The following RSPRY1 variants were observed in gnomAD, a reference collection of about 807,000 sequenced individuals.
The protein encoded by RSPRY1 is RING finger and SPRY domain-containing protein 1.
A neutral mutation model predicts 73.1 loss-of-function variants in RSPRY1; 23 were observed. The ratio of observed to expected loss-of-function variants is 0.31; its 90% CI spans 0.23 to 0.45. The LOEUF is 0.45. RSPRY1 is among the 20% of genes least tolerant of loss of function. The pLI is 1.00. For missense variants in RSPRY1, 448 were observed against 698.7 expected (o/e 0.64, Z 4.05); for synonymous variants, 226 against 251.4 (o/e 0.90, Z 0.95).
chr16:57,231,168 T>G lies in RSPRY1; in HGVS notation c.1378T>G (p.Ser460Ala), dbSNP rs2075213828. The part of the protein sequence containing the change: ...PEKQVFSSTV[S>A]GFFAAASFMS... ...CCTCTGTACTCATTTTATTTGTAGA[T>G]CTGGATTTTTTGCTGCAGCTAGTTT... is the stretch of plus-strand genomic sequence containing the variant. Residue 460 changes from serine (S) to alanine (A), a missense_variant and splice_region_variant, in exon 13 of 15, where the codon TCT (serine) becomes GCT (alanine). Coordinates refer to ENST00000394420, the MANE Select transcript of RSPRY1 (RefSeq NM_133368.3). 3 of 1,612,740 alleles carry G rather than the reference T, an allele frequency of 1.9e-6. No individual in the cohort carries two copies. Among genetic ancestry groups the G allele is most frequent in the Admixed American group, 3.3e-5 (2 of 59,748 alleles).
At position 57,213,883 on chromosome 16, in the gene RSPRY1, T is replaced by A. The variant is rs2074891533; in HGVS notation, c.644-5T>A. 1.3e-6 allele frequency: 2 copies of A among 1,591,840 alleles called. No individual in the cohort carries two copies. The highest frequency in any genetic ancestry group is 1.7e-6 in the Non-Finnish European group (2 of 1,159,672). On this transcript the variant is annotated splice_polypyrimidine_tract_variant and splice_region_variant and intron_variant, in intron 5 of 14. Transcript: ENST00000394420. ...TTATATCAAGTGTTTGTTGTATTTGTCTAGGTCCTGCAAGTATAGGTTTAC... is the reference window on the plus strand; with the variant it reads ...TTATATCAAGTGTTTGTTGTATTTGACTAGGTCCTGCAAGTATAGGTTTAC...
intron 9 of RSPRY1, among the ~76,000 whole-genome samples, 190 bp downstream of exon 9, chr16:57,221,037 G>A: frequency 1.3e-5 from 2 of 152,196 alleles, no homozygotes; most frequent in East Asian, 3.8e-4. Flanking sequence ...AGATGTGTCA[G>A]GATTAAAGAA....
At chr16:57,211,437 C>T (rs145217389) in intron 4 of RSPRY1, among the ~76,000 whole-genome samples, 13 of 152,184 alleles carry the variant, frequency 8.5e-5, no homozygotes, top group Non-Finnish European at 1.0e-4. Context: ...AGCACGATGG[C>T]GTGCACCTGT....
At chr16:57,196,962 G>A (rs749843370) in intron 1 of RSPRY1, among the ~76,000 whole-genome samples, 1 of 152,152 alleles carries the variant, frequency 6.6e-6, no homozygotes, top group Non-Finnish European at 1.5e-5. Context: ...TCAAGAGTCA[G>A]GTTAATTAGG....
chr16:57,199,286 A>G (rs373426060), intron 1 of RSPRY1, among the ~76,000 whole-genome samples: 1 of 152,192 alleles, frequency 6.6e-6, no homozygotes, highest in African/African-American at 2.4e-5. Context: ...CGAAGTCAAG[A>G]GTTTGAGACC....
chr16:57,205,031 C>T (rs1450657585), intron 2 of RSPRY1, 23 bp downstream of exon 2: 2 of 1,561,460 alleles, frequency 1.3e-6, no homozygotes, highest in Non-Finnish European at 8.8e-7. Context: ...CTCACGGTCA[C>T]CTCCAGTGGA....
rs760941433 is a variant in RSPRY1, at chr16:57,205,000, T to G, written c.342T>G (p.Leu114=). ...ACACACTGGCAGTAATACGGACTCTTGTAGATAAGTAAGTATCTGACTCAC... is the reference window on the plus strand; with the variant it reads ...ACACACTGGCAGTAATACGGACTCTGGTAGATAAGTAAGTATCTGACTCAC... The part of the protein sequence containing the change: ...VLDTLAVIRT[L]VDNDQEPPYS... Residue 114 remains leucine (L), a synonymous_variant, in exon 2 of 15, where the codon CTT becomes CTG. Coordinates refer to ENST00000394420, the MANE Select transcript of RSPRY1 (RefSeq NM_133368.3). 1 of 1,611,736 alleles carries G rather than the reference T, an allele frequency of 6.2e-7. No homozygotes were observed. The highest frequency in any genetic ancestry group is 8.5e-7 in the Non-Finnish European group (1 of 1,178,224).
In RSPRY1 at chr16:57,216,105, A is replaced by G; in HGVS notation, c.703-2A>G. 6.4e-7 allele frequency: 1 copy of G among 1,568,434 alleles called. No homozygotes were observed. The highest frequency in any genetic ancestry group is 2.3e-5 in the East Asian group (1 of 44,086). On this transcript the variant is annotated splice_acceptor_variant, in intron 6 of 14. Coordinates refer to ENST00000394420, the MANE Select transcript of RSPRY1 (RefSeq NM_133368.3). LOFTEE classifies it high-confidence loss of function. The stretch of plus-strand genomic sequence containing the variant: ...TTTTTTTTATCTTTTGTTGTTTTTC[A>G]GAAGTTACAGTCCCACCCCACAGTC...
Position 57,204,774 on chromosome 16 carries a change from C to T in RSPRY1, c.116C>T (p.Thr39Ile), listed in dbSNP as rs776214514. Residue 39 changes from threonine (T) to isoleucine (I), a missense_variant, in exon 2 of 15, where the codon ACC becomes ATC. By Grantham distance (89) the Thr-to-Ile change is moderately conservative. Coordinates refer to ENST00000394420, the MANE Select transcript of RSPRY1 (RefSeq NM_133368.3). ...CTAGGGACTGGAGGTGCCGCTACTA[C>T]CATGGGTAATTCCTGTATCTGCCGA... ...HFLGTGGAAT[T>I]MGNSCICRDD... 3 of 1,614,074 alleles carry T rather than the reference C, an allele frequency of 1.9e-6. No homozygotes were observed. The highest frequency in any genetic ancestry group is 2.7e-5 in the African/African-American group (2 of 74,902).
At chr16:57,198,513 C>T (rs1296946666) in intron 1 of RSPRY1, among the ~76,000 whole-genome samples, 1 of 152,206 alleles carries the variant, frequency 6.6e-6, no homozygotes, top group Non-Finnish European at 1.5e-5. Flanking sequence ...CTTCTTTCCT[C>T]ACAGGCACCC....
intron 14 of RSPRY1, among the ~76,000 whole-genome samples, chr16:57,237,805 G>A (rs950801203): frequency 2.0e-5 from 3 of 151,750 alleles, no homozygotes; most frequent in Admixed American, 1.3e-4. Flanking sequence ...TCCGCCTCCC[G>A]AGCTCAAGTG....
At chr16:57,218,414 T>C (rs545544863) in intron 8 of RSPRY1, among the ~76,000 whole-genome samples, 1 of 152,320 alleles carries the variant, frequency 6.6e-6, no homozygotes, top group South Asian at 2.1e-4. Flanking sequence ...CACCCTGTTA[T>C]GCTGTCAAAT....
At chr16:57,202,108 G>A (rs566130956) in intron 1 of RSPRY1, among the ~76,000 whole-genome samples, 1 of 152,032 alleles carries the variant, frequency 6.6e-6, no homozygotes, top group Non-Finnish European at 1.5e-5. Context: ...ATTATTTGAG[G>A]CTAGGAGTTC....
intron 1 of RSPRY1, among the ~76,000 whole-genome samples, chr16:57,192,394 G>A (rs758648949): frequency 6.6e-5 from 10 of 152,050 alleles, no homozygotes; most frequent in Non-Finnish European, 1.3e-4. Flanking sequence ...TACTGCAACC[G>A]TCATAAGCAT....
chr16:57,219,433 A>G (rs12149078), intron 8 of RSPRY1, among the ~76,000 whole-genome samples: 8,544 of 152,238 alleles, frequency 0.056, 330 homozygotes, highest in Non-Finnish European at 0.083. Flanking sequence ...ACCTTTTCAT[A>G]TATCTGTTTG....
intron 4 of RSPRY1, among the ~76,000 whole-genome samples, chr16:57,210,784 A>G (rs1173810582): frequency 1.3e-5 from 2 of 152,074 alleles, no homozygotes; most frequent in Non-Finnish European, 2.9e-5. Context: ...TTGGGAGGCC[A>G]AAGCAGGCAG....
intron 3 of RSPRY1, 135 bp downstream of exon 3, chr16:57,208,245 A>G: frequency 1.9e-6 from 1 of 533,166 alleles, no homozygotes; most frequent in Non-Finnish European, 3.2e-6. Context: ...CAATGAAAAA[A>G]GCCCTTACTG....
intron 1 of RSPRY1, among the ~76,000 whole-genome samples, chr16:57,189,939 A>G (rs1051798047): frequency 2.0e-5 from 3 of 152,142 alleles, no homozygotes; most frequent in African/African-American, 7.2e-5. Context: ...TTTCCTTAAC[A>G]ATGAAGTAAT....
intron 8 of RSPRY1, 62 bp downstream of exon 8, chr16:57,217,097 A>C (rs1413625272): frequency 6.3e-7 from 1 of 1,581,384 alleles, no homozygotes; most frequent in African/African-American, 1.3e-5. Flanking sequence ...TTTCTTTCAT[A>C]GGCTCACTGG....
Sources: gnomAD v4.1 joint callset for allele counts (sites outside exome capture counted in the v4.1 genomes callset) on GRCh38, gnomAD v4.1.1 for gene constraint, MANE v1.5 for transcripts, NCBI Gene and HGNC (gene_info 2026-07-23, HGNC 2026-07-21) for gene names.